CCL28: variants seen among roughly 807,000 people sequenced by gnomAD.
CCL28 encodes C-C motif chemokine 28.
In CCL28, 4 loss-of-function variants were observed where a neutral mutation model predicts 7.1. The ratio of observed to expected loss-of-function variants is 0.56; its 90% confidence interval spans 0.28 to 1.29. CCL28 has a LOEUF of 1.29. CCL28 is among the 50% of genes most tolerant of loss of function. The pLI is 0.11. For missense variants in CCL28, 151 were observed against 163.4 expected (o/e 0.92, Z 0.41); for synonymous variants, 55 against 57.8 (o/e 0.95, Z 0.22).
At chr5:43,366,450 C>T in the CCL28 span, among the ~76,000 whole-genome samples, 89 of 152,256 alleles carry the variant, frequency 5.8e-4, no homozygotes, top group Middle Eastern at 0.014. Flanking sequence ...TGGAGTTTGC[C>T]GGAGGTCCAC....
downstream of CCL28, among the ~76,000 whole-genome samples, chr5:43,375,224 C>A (rs953313985): frequency 2.0e-5 from 3 of 151,600 alleles, no homozygotes; most frequent in African/African-American, 7.3e-5. Flanking sequence ...CTCCTGACCT[C>A]GTGATCCACC....
At chr5:43,387,272 C>T (rs116527618) in intron 2 of CCL28, among the ~76,000 whole-genome samples, 16 of 152,314 alleles carry the variant, frequency 1.1e-4, no homozygotes, top group East Asian at 5.8e-4. Context: ...CTGCAATTCA[C>T]GAGCTGTACA....
At chr5:43,383,711 C>T (rs185316369) in intron 2 of CCL28, among the ~76,000 whole-genome samples, 83 of 152,298 alleles carry the variant, frequency 5.4e-4, no homozygotes, top group Admixed American at 4.5e-3. Flanking sequence ...AAATCTGGCA[C>T]TGAAGCTCCT....
At chr5:43,373,457 C>T (rs923495768), downstream of CCL28, among the ~76,000 whole-genome samples, 2 of 152,034 alleles carry the variant, frequency 1.3e-5, no homozygotes, top group Admixed American at 6.5e-5. Flanking sequence ...TGTGCCACCA[C>T]GCCCGGCTAA....
chr5:43,376,545 G>A (rs1431091866), downstream of CCL28: 1 of 152,220 alleles, frequency 6.6e-6, no homozygotes, highest in African/African-American at 2.4e-5. Flanking sequence ...AAATGTAAAA[G>A]TATAGCTGAT....
Position 43,381,992 on chromosome 5 carries a change from C to A in CCL28, c.252G>T (p.Trp84Cys). The A allele has an allele frequency of 4.3e-6, 7 of 1,614,214 alleles. No individual in the cohort carries two copies. Among genetic ancestry groups the A allele is most frequent in the Non-Finnish European group, 5.9e-6 (7 of 1,180,042 alleles). ...VSPHNHTVKQ[W>C]MKVQAAKKNG... is the part of the protein sequence containing the mutation. Reference sequence around the variant, plus strand: ...TTTTCTTGGCAGCTTGCACTTTCATCCACTGCTTAACAGTATGGTTGTGCG... The same window carrying A: ...TTTTCTTGGCAGCTTGCACTTTCATACACTGCTTAACAGTATGGTTGTGCG... The change falls in exon 3 of 3, where the codon TGG (tryptophan) becomes TGT (cysteine). Residue 84 changes from tryptophan (W) to cysteine (C), a missense_variant. Coordinates refer to ENST00000361115, the MANE Select transcript of CCL28 (RefSeq NM_148672.3).
downstream of CCL28, among the ~76,000 whole-genome samples, chr5:43,374,028 T>G (rs192887282): frequency 2.2e-4 from 33 of 152,374 alleles, no homozygotes; most frequent in East Asian, 6.0e-3. Context: ...AGGCCAGGTC[T>G]TGGCAGAATT....
At position 43,381,234 on chromosome 5, in the gene CCL28, A is replaced by G. The variant is rs1740098480; in HGVS notation, c.*626T>C. 1 of 152,210 alleles carries G rather than the reference A, an allele frequency of 6.6e-6. No individual in the cohort carries two copies. Among genetic ancestry groups the G allele is most frequent in the Admixed American group, 6.5e-5 (1 of 15,286 alleles). 9.4% of individuals were successfully genotyped at this position (152,210 alleles called of 1,614,324 possible). A position where few individuals can be genotyped will look rare whatever the true frequency, so the allele number is the denominator to read the frequency against. ...CAAATGTGACACAATATTAACAATG[A>G]TTAATATTGTGGTGAAAGATATATA... On this transcript the variant is annotated 3_prime_UTR_variant, in exon 3 of 3. Coordinates refer to ENST00000361115, the MANE Select transcript of CCL28 (RefSeq NM_148672.3).
chr5:43,362,586 C>T, the CCL28 span, among the ~76,000 whole-genome samples: 3 of 152,252 alleles, frequency 2.0e-5, no homozygotes, highest in East Asian at 5.8e-4. Context: ...CATGAAAATG[C>T]ATGCAAGATT....
chr5:43,359,813 C>G, the CCL28 span, among the ~76,000 whole-genome samples: 1 of 152,036 alleles, frequency 6.6e-6, no homozygotes, highest in Non-Finnish European at 1.5e-5. Context: ...TGCATTCTGG[C>G]AACTGAATGA....
intron 1 of CCL28, 105 bp downstream of exon 1, chr5:43,412,148 G>T: frequency 1.3e-6 from 1 of 744,680 alleles, no homozygotes; most frequent in Non-Finnish European, 2.1e-6. Flanking sequence ...GGAAATTCCT[G>T]CTTGAAGAGA....
At chr5:43,391,314 A>G (rs1740562297) in intron 1 of CCL28, among the ~76,000 whole-genome samples, 1 of 152,202 alleles carries the variant, frequency 6.6e-6, no homozygotes, top group South Asian at 2.1e-4. Context: ...ATTTGGTTGG[A>G]ATATAGAATT....
chr5:43,388,255 T>C (rs1431709853), intron 2 of CCL28, 95 bp downstream of exon 2: 22 of 1,443,588 alleles, frequency 1.5e-5, no homozygotes, highest in Non-Finnish European at 1.0e-5. Flanking sequence ...ATTGTTTGTA[T>C]GTTGTAATCA....
chr5:43,383,927 TA>T, intron 2 of CCL28: 1 of 166,388 alleles, frequency 6.0e-6, no homozygotes, highest in Non-Finnish European at 1.3e-5. Flanking sequence ...TCTCTACTAC[TA>T]AAAATACAAA....
intron 1 of CCL28, among the ~76,000 whole-genome samples, chr5:43,401,413 G>A (rs946439090): frequency 2.0e-5 from 3 of 152,164 alleles, no homozygotes; most frequent in African/African-American, 7.2e-5. Context: ...AAGGGGTTTG[G>A]ATAATTGTGT....
At chr5:43,391,845 G>A (rs1043323066) in intron 1 of CCL28, among the ~76,000 whole-genome samples, 3 of 152,138 alleles carry the variant, frequency 2.0e-5, no homozygotes, top group African/African-American at 7.2e-5. Flanking sequence ...ATAATATGCA[G>A]AAAAACTACA....
At chr5:43,362,811 T>A in the CCL28 span, among the ~76,000 whole-genome samples, 1 of 152,094 alleles carries the variant, frequency 6.6e-6, no homozygotes, top group Non-Finnish European at 1.5e-5. Context: ...CATTTTGGAG[T>A]GAGGAGCTAT....
At chr5:43,374,520 C>T (rs575442261), downstream of CCL28, among the ~76,000 whole-genome samples, 11 of 152,318 alleles carry the variant, frequency 7.2e-5, no homozygotes, top group Non-Finnish European at 1.0e-4. Context: ...CAGTGGCTCA[C>T]GCCTGTAATC....
At chr5:43,375,623 A>G (rs1197575618), downstream of CCL28, among the ~76,000 whole-genome samples, 1 of 152,102 alleles carries the variant, frequency 6.6e-6, no homozygotes, top group African/African-American at 2.4e-5. Context: ...TCTTAGAACT[A>G]TAAAGAGCTT....
Sources: gnomAD v4.1 joint callset for allele counts (sites outside exome capture counted in the v4.1 genomes callset) on GRCh38, gnomAD v4.1.1 for gene constraint, MANE v1.5 for transcripts, NCBI Gene and HGNC (gene_info 2026-07-23, HGNC 2026-07-21) for gene names.